P4HA1: variants seen among roughly 807,000 people sequenced by gnomAD.
P4HA1 encodes prolyl 4-hydroxylase subunit alpha 1, also known as prolyl 4-hydroxylase subunit alpha-1.
P4HA1 carries 24 observed loss-of-function variants against 72.8 expected under a neutral mutation model. The observed-to-expected ratio is 0.33, with a 90% CI of 0.24 to 0.46. P4HA1 has a LOEUF of 0.46. Among genes scored for constraint, P4HA1 ranks in the 20% least tolerant of loss-of-function variants. The pLI, the probability that P4HA1 is intolerant of heterozygous loss-of-function variation, is 1.00. For synonymous variants in P4HA1, 201 were observed against 218.8 expected (o/e 0.92, Z 0.72); for missense variants, 446 against 640.6 (o/e 0.70, Z 3.28).
chr10:73,023,640 A>C (rs1446370913), intron 10 of P4HA1, among the ~76,000 whole-genome samples: 1 of 152,210 alleles, frequency 6.6e-6, no homozygotes, highest in Non-Finnish European at 1.5e-5. Context: ...AAATTCACAT[A>C]TAACAATATT....
chr10:73,050,876 T>A (rs1479487139), intron 7 of P4HA1, among the ~76,000 whole-genome samples, 177 bp downstream of exon 7: 1 of 152,108 alleles, frequency 6.6e-6, no homozygotes, highest in Admixed American at 6.6e-5. Flanking sequence ...AGCTAATTTT[T>A]AAATTTTTTT....
chr10:73,044,717 T>G (rs180709034), intron 9 of P4HA1, among the ~76,000 whole-genome samples: 36 of 152,290 alleles, frequency 2.4e-4, no homozygotes, highest in Admixed American at 2.3e-3. Context: ...TCCTGGATAT[T>G]TGACACCTGA....
intron 6 of P4HA1, among the ~76,000 whole-genome samples, chr10:73,051,790 T>C (rs1841026185): frequency 6.6e-6 from 1 of 152,272 alleles, no homozygotes; most frequent in Non-Finnish European, 1.5e-5. Context: ...CAGAAACAGC[T>C]ATTTATTTAA....
chr10:73,052,186 AGAGGAAAAAAAAAAAAAACTAAAGAAC>A (rs1841036962), intron 6 of P4HA1, among the ~76,000 whole-genome samples: 1 of 151,236 alleles, frequency 6.6e-6, no homozygotes, highest in African/African-American at 2.4e-5. Flanking sequence ...TACCCATCTG[AGAGGAAAAAAAAAAAAAACTAAAGAAC>A]CACACACACA....
At chr10:73,036,316 G>A (rs1840575266) in intron 9 of P4HA1, among the ~76,000 whole-genome samples, 1 of 151,896 alleles carries the variant, frequency 6.6e-6, no homozygotes, top group Non-Finnish European at 1.5e-5. Flanking sequence ...AGTCACTACA[G>A]AGGAAAATGA....
chr10:73,027,703 AAGAG>A (rs1172455564), intron 10 of P4HA1, among the ~76,000 whole-genome samples: 1 of 142,876 alleles, frequency 7.0e-6, no homozygotes, highest in East Asian at 2.1e-4. Context: ...GGGAGGGAGG[AAGAG>A]AGAGAAGAAA....
At chr10:73,019,853 A>AG (rs1210361459) in intron 10 of P4HA1, among the ~76,000 whole-genome samples, 1 of 151,884 alleles carries the variant, frequency 6.6e-6, no homozygotes, top group Non-Finnish European at 1.5e-5. Context: ...TATTACTCAG[A>AG]GGGGAAAAAA....
At chr10:73,069,097 A>G in intron 4 of P4HA1, 114 bp from the exon 5 acceptor site, 5 of 746,078 alleles carry the variant, frequency 6.7e-6, no homozygotes, top group Non-Finnish European at 1.1e-5. Context: ...CACACCATGA[A>G]AAGTTCTACA....
rs548325970 is a variant in P4HA1 at position 73,028,229 on chromosome 10, T to A, written c.1248+2042A>T. ...AATAAAAGCTTTCATAATTTTGAGATAGGAAAAAAAAACAGAAGAAAAGAC... is the reference window on the plus strand; with the variant it reads ...AATAAAAGCTTTCATAATTTTGAGAAAGGAAAAAAAAACAGAAGAAAAGAC... On this transcript the variant is annotated intron_variant, in intron 10 of 14. Transcript: ENST00000394890. Among the ~76,000 whole-genome samples, 24 of 135,912 alleles carry A rather than the reference T, an allele frequency of 1.8e-4. No individual in the cohort carries two copies. The South Asian group carries it at 5.8e-3, about 33-fold the overall frequency. 89.2% of individuals were successfully genotyped at this position (135,912 alleles called of 152,430 possible). A position where few individuals can be genotyped will look rare whatever the true frequency, so the allele number is the denominator to read the frequency against.
rs527714717 is a variant in P4HA1 at position 73,056,068 on chromosome 10, AAAG to A, written c.464-2481_464-2479del. Among the ~76,000 whole-genome samples, 5 of 152,360 alleles carry A rather than the reference AAAG, an allele frequency of 3.3e-5. No individual in the cohort carries two copies. The South Asian group carries it at 8.3e-4, about 25-fold the overall frequency. On this transcript the variant is annotated intron_variant, in intron 5 of 14. Coordinates refer to ENST00000394890, the MANE Select transcript of P4HA1 (RefSeq NM_001017962.3). ...TTTTAAGAAATTCAGCAATAAGAGAAAAGAAGAATTTAAACTCTATGACTTAAT... is the reference window on the plus strand; with the variant it reads ...TTTTAAGAAATTCAGCAATAAGAGAAAAGAATTTAAACTCTATGACTTAAT...
At chr10:73,032,893 T>A in intron 9 of P4HA1, among the ~76,000 whole-genome samples, 1 of 139,200 alleles carries the variant, frequency 7.2e-6, no homozygotes, top group South Asian at 2.4e-4. Context: ...ACAAACAGGG[T>A]GGATTCTTAG....
chr10:73,040,211 AT>A (rs1589595994), intron 9 of P4HA1, among the ~76,000 whole-genome samples: 1 of 152,060 alleles, frequency 6.6e-6, no homozygotes. Context: ...ATCATTTATA[AT>A]ATGTAAGTAT....
intron 10 of P4HA1, among the ~76,000 whole-genome samples, chr10:73,017,157 CTATATCTACA>C: frequency 6.9e-6 from 1 of 145,450 alleles, no homozygotes; most frequent in Admixed American, 6.7e-5. Flanking sequence ...ATATAGATAT[CTATATCTACA>C]GATGTATATA....
At chr10:73,046,192 C>T (rs552687655) in intron 8 of P4HA1, among the ~76,000 whole-genome samples, 1 of 152,114 alleles carries the variant, frequency 6.6e-6, no homozygotes, top group Non-Finnish European at 1.5e-5. Flanking sequence ...AAAAAATCTG[C>T]CAACTCCTGT....
chr10:73,052,846 A>G lies in P4HA1; in HGVS notation c.703+505T>C, dbSNP rs577105831. 2.6e-5 allele frequency among the ~76,000 whole-genome samples: 4 copies of G among 152,342 alleles called. No homozygotes were observed. The East Asian group carries it at 5.8e-4, about 22-fold the overall frequency. ...CAAGAAATTTTCATTTCTAACAAGT[A>G]TCCAAGTAATTCTGATGCACGTGGT... On this transcript the variant is annotated intron_variant, in intron 6 of 14. Transcript: ENST00000394890.
Position 73,047,115 on chromosome 10 carries a change from T to C in P4HA1, c.901-14A>G. 1 of 1,569,284 alleles carries C rather than the reference T, an allele frequency of 6.4e-7. No individual in the cohort carries two copies. On this transcript the variant is annotated splice_polypyrimidine_tract_variant and intron_variant, in intron 7 of 14. Coordinates refer to ENST00000394890, the MANE Select transcript of P4HA1 (RefSeq NM_001017962.3). Reference sequence around the variant, plus strand: ...TCTCCGAGGGGTCTAAACATAAAGTTAAGAATATGATGAATATATTACAGT... The same window carrying C: ...TCTCCGAGGGGTCTAAACATAAAGTCAAGAATATGATGAATATATTACAGT...
At chr10:73,072,738 A>T (rs760543776) in intron 3 of P4HA1, among the ~76,000 whole-genome samples, 1 of 152,242 alleles carries the variant, frequency 6.6e-6, no homozygotes, top group African/African-American at 2.4e-5. Context: ...TCAATTAAAT[A>T]ACACTAACGC....
intron 1 of P4HA1, among the ~76,000 whole-genome samples, chr10:73,077,845 T>C (rs1346684093): frequency 1.3e-5 from 2 of 150,786 alleles, no homozygotes; most frequent in Non-Finnish European, 3.0e-5. Context: ...AAAAATTAGC[T>C]GGGTACGGTG....
At chr10:73,059,901 T>C (rs935282098) in intron 5 of P4HA1, among the ~76,000 whole-genome samples, 11 of 151,610 alleles carry the variant, frequency 7.3e-5, no homozygotes, top group African/African-American at 2.7e-4. Context: ...GCTATGATCA[T>C]GCCACTGCAC....
Sources: allele counts gnomAD v4.1 joint callset (sites outside exome capture counted in the v4.1 genomes callset), GRCh38; gene constraint gnomAD v4.1.1; transcripts MANE v1.5; gene names NCBI Gene and HGNC (gene_info 2026-07-23, HGNC 2026-07-21).